EHMT1: variants seen among roughly 807,000 people sequenced by gnomAD.
EHMT1 encodes histone-lysine N-methyltransferase EHMT1.
EHMT1 carries 15 observed loss-of-function variants against 147.2 expected under a neutral mutation model. The ratio of observed to expected loss-of-function variants is 0.10; its 90% confidence interval spans 0.07 to 0.16. The LOEUF (loss-of-function observed/expected upper bound fraction) is 0.16, where lower values mean the gene tolerates loss of function less well. EHMT1 is among the 10% of genes least tolerant of loss of function. The pLI is 1.00. For missense variants in EHMT1, 1,587 were observed against 1,772.4 expected (o/e 0.90, Z 1.88); for synonymous variants, 795 against 709.6 (o/e 1.12, Z -1.91).
rs1313805167 is a variant in EHMT1 at position 137,775,136 on chromosome 9, A to G, written c.1675A>G (p.Lys559Glu). The change falls in exon 11 of 27, where the codon AAG becomes GAG. Residue 559 changes from lysine to glutamate, a missense_variant. Lys to Glu is a moderately conservative substitution (Grantham distance 56, BLOSUM62 1). This residue lies in a region of EHMT1 where 124 missense variants were observed against 197.8 expected (regional missense o/e 0.63). Transcript: ENST00000460843. The surrounding 1 kb of genome is among the most constrained non-coding windows in gnomAD (Gnocchi z 6.1). ...ELGRCTNSVV[K>E]YELMRPSNKA... ...GGGCCGGTGCACAAACAGCGTGGTC[A>G]AGTATGAGCTGATGCGCCCCTCCAA... 3.7e-6 allele frequency: 6 copies of G among 1,614,058 alleles called. No homozygotes were observed. Among genetic ancestry groups the G allele is most frequent in the Non-Finnish European group, 5.1e-6 (6 of 1,180,012 alleles).
intron 21 of EHMT1, 116 bp from the exon 22 acceptor site, chr9:137,814,315 T>G: frequency 8.8e-7 from 1 of 1,135,940 alleles, no homozygotes; most frequent in Non-Finnish European, 1.3e-6. Flanking sequence ...CGTGGTGCCT[T>G]TGAGAAGCAC....
In EHMT1 at chr9:137,787,824, C is replaced by G. The variant is rs1346296091; in HGVS notation, c.2383-3024C>G. On this transcript the variant is annotated intron_variant, in intron 15 of 26. Coordinates refer to ENST00000460843, the MANE Select transcript of EHMT1 (RefSeq NM_024757.5). The surrounding 1 kb of genome is among the most constrained non-coding windows in gnomAD (Gnocchi z 4.2). ...CCCTCAGGTTTCAGGGGCCACCCCCCAGTAGGCAGAGCTGGTTGACGGTGG... is the reference window on the plus strand; with the variant it reads ...CCCTCAGGTTTCAGGGGCCACCCCCGAGTAGGCAGAGCTGGTTGACGGTGG... 1 of 950,788 alleles carries G rather than the reference C, an allele frequency of 1.1e-6. No homozygotes were observed. Among genetic ancestry groups the G allele is most frequent in the Non-Finnish European group, 1.7e-6 (1 of 578,514 alleles). The allele number at this position is 950,788 out of a possible 1,614,324, so 58.9% of individuals were successfully genotyped here.
chr9:137,763,151 TCA>T (rs1949964410), intron 10 of EHMT1: 3 of 527,348 alleles, frequency 5.7e-6, no homozygotes, highest in Non-Finnish European at 1.0e-5. Context: ...GGCAGGATAG[TCA>T]CACCAAGGTG....
rs1207345457 is a variant in EHMT1, at chr9:137,817,229, G to A, written c.3375-210G>A. On this transcript the variant is annotated intron_variant, in intron 23 of 26. Transcript: ENST00000460843. ...GACCAGTGACTTGCCGAGGTTGTGGGCTGGGGTGCTCCTGGCTGATCCCCG... is the reference window on the plus strand; with the variant it reads ...GACCAGTGACTTGCCGAGGTTGTGGACTGGGGTGCTCCTGGCTGATCCCCG... 5 of 635,752 alleles carry A rather than the reference G, an allele frequency of 7.9e-6. No individual in the cohort carries two copies. The Admixed American group carries it at 1.1e-4, about 14-fold the overall frequency. The allele number at this position is 635,752 out of a possible 1,614,324, so 39.4% of individuals were successfully genotyped here.
intron 1 of EHMT1, among the ~76,000 whole-genome samples, chr9:137,633,791 TC>T: frequency 6.6e-6 from 1 of 151,980 alleles, no homozygotes; most frequent in African/African-American, 2.4e-5. Flanking sequence ...AAATATTTTT[TC>T]TCATTCTGTG....
Position 137,834,387 on chromosome 9 carries a change from G to T in EHMT1, c.3579G>T (p.Gly1193=). 1 of 1,613,270 alleles carries T rather than the reference G, an allele frequency of 6.2e-7. No homozygotes were observed. The highest frequency in any genetic ancestry group is 8.5e-7 in the Non-Finnish European group (1 of 1,179,806). ...ACTGCATCGACGCGCGGTTCTACGGGAACGTCAGCCGGTTCATCAACCACC... is the reference window on the plus strand; with the variant it reads ...ACTGCATCGACGCGCGGTTCTACGGTAACGTCAGCCGGTTCATCAACCACC... ...EVYCIDARFY[G]NVSRFINHHC... Residue 1193 remains glycine, a synonymous_variant, in exon 26 of 27, where the codon GGG becomes GGT. Transcript: ENST00000460843.
chr9:137,718,088 G>C (rs1331383456), intron 3 of EHMT1, among the ~76,000 whole-genome samples: 1 of 135,654 alleles, frequency 7.4e-6, no homozygotes, highest in Non-Finnish European at 1.5e-5. Flanking sequence ...TTCACACACA[G>C]GGCGCGCCCG....
At chr9:137,821,620 CTG>C (rs1404473292) in intron 25 of EHMT1, among the ~76,000 whole-genome samples, 1 of 152,206 alleles carries the variant, frequency 6.6e-6, no homozygotes, top group Non-Finnish European at 1.5e-5. Flanking sequence ...GAGTGAGCCA[CTG>C]TGCCCAGCTT....
At chr9:137,684,519 T>C (rs956539217) in intron 1 of EHMT1, among the ~76,000 whole-genome samples, 2 of 151,834 alleles carry the variant, frequency 1.3e-5, no homozygotes, top group Non-Finnish European at 2.9e-5. Flanking sequence ...TGAGATGGGG[T>C]CTTACTCTGT....
At chr9:137,672,722 C>T (rs969614594) in intron 1 of EHMT1, among the ~76,000 whole-genome samples, 2 of 152,230 alleles carry the variant, frequency 1.3e-5, no homozygotes, top group Non-Finnish European at 2.9e-5. Flanking sequence ...GTGTCATATC[C>T]TTCAAAATAG....
intron 1 of EHMT1, among the ~76,000 whole-genome samples, chr9:137,669,928 G>A (rs150067509): frequency 0.011 from 1,649 of 152,168 alleles, 21 homozygotes; most frequent in African/African-American, 0.038. Context: ...TCGGCTCTCT[G>A]CAACCTCTGC....
intron 1 of EHMT1, among the ~76,000 whole-genome samples, chr9:137,657,548 ATAG>A (rs1160594363): frequency 2.7e-5 from 4 of 150,398 alleles, no homozygotes; most frequent in Non-Finnish European, 5.9e-5. Context: ...TTGTGGGTAC[ATAG>A]TAGGTGTATT....
In EHMT1 at chr9:137,731,379, G is replaced by A. The variant is rs183196503; in HGVS notation, c.823+2850G>A. ...GAAGTTACAGTTTCTGTGCTAGAAC[G>A]TGTTAACTAGAGAGGAGCATGGCAT... On this transcript the variant is annotated intron_variant, in intron 4 of 26. Coordinates refer to ENST00000460843, the MANE Select transcript of EHMT1 (RefSeq NM_024757.5). This position sits in a 1 kb window ranked among gnomAD's most constrained non-coding sequence, Gnocchi z 4.3. Among the ~76,000 whole-genome samples, 7 of 152,322 alleles carry A rather than the reference G, an allele frequency of 4.6e-5. No individual in the cohort carries two copies. The highest frequency in any genetic ancestry group is 6.5e-5 in the Admixed American group (1 of 15,310).
chr9:137,644,203 T>C (rs1380241907), intron 1 of EHMT1, among the ~76,000 whole-genome samples: 1 of 152,088 alleles, frequency 6.6e-6, no homozygotes, highest in Non-Finnish European at 1.5e-5. Context: ...CTGCTCAGCT[T>C]TCTTATGGCA....
chr9:137,718,007 G>T (rs934837692), intron 3 of EHMT1, among the ~76,000 whole-genome samples: 1 of 152,002 alleles, frequency 6.6e-6, no homozygotes, highest in African/African-American at 2.4e-5. Context: ...CACACAGGGC[G>T]CGCCCACCCC....
intron 15 of EHMT1, chr9:137,784,259 T>C: frequency 6.6e-7 from 1 of 1,512,140 alleles, no homozygotes; most frequent in South Asian, 1.2e-5. Flanking sequence ...AGGGAGCAGG[T>C]CCATTCCTGG....
At chr9:137,793,231 TCTC>T (rs1431952306) in intron 16 of EHMT1, among the ~76,000 whole-genome samples, 1 of 152,122 alleles carries the variant, frequency 6.6e-6, no homozygotes, top group Non-Finnish European at 1.5e-5. Context: ...AGGTTGTACA[TCTC>T]AACAACAACA....
intron 9 of EHMT1, among the ~76,000 whole-genome samples, chr9:137,760,296 C>T (rs1338592289): frequency 6.6e-6 from 1 of 152,180 alleles, no homozygotes; most frequent in Admixed American, 6.5e-5. Context: ...GCCCTGGGTT[C>T]TTACCTATCT....
At position 137,812,659 on chromosome 9, in the gene EHMT1, C is replaced by T. The variant is rs558279729; in HGVS notation, c.2868-347C>T. 2.6e-5 allele frequency among the ~76,000 whole-genome samples: 4 copies of T among 152,386 alleles called. No individual in the cohort carries two copies. The South Asian group carries it at 8.3e-4, about 32-fold the overall frequency. On this transcript the variant is annotated intron_variant, in intron 19 of 26. Transcript: ENST00000460843. ...AGGACTGCTCACGCTGTGCGTGGCC[C>T]AAGCTTGGCCTCTCTCCCTCCTTGC...
Sources: gnomAD v4.1 joint callset for allele counts (sites outside exome capture counted in the v4.1 genomes callset) on GRCh38, gnomAD v4.1.1 for gene constraint, gnomAD v4.1.1 regional missense constraint, Gnocchi (gnomAD v3.1) non-coding constraint, MANE v1.5 for transcripts, NCBI Gene and HGNC (gene_info 2026-07-23, HGNC 2026-07-21) for gene names.